Variants in PLGRKT observed in about 807,000 individuals in gnomAD.
PLGRKT encodes plasminogen receptor (KT).
Under a neutral mutation model 18.5 loss-of-function variants are expected in PLGRKT, and 22 were observed. The ratio of observed to expected loss-of-function variants is 1.19; its 90% confidence interval spans 0.85 to 1.70. PLGRKT has a LOEUF of 1.70. PLGRKT is among the 40% of genes most tolerant of loss of function. The pLI is 0.00. For missense variants in PLGRKT, 235 were observed against 174.4 expected (o/e 1.35, Z -1.96); for synonymous variants, 72 against 52.8 (o/e 1.36, Z -1.58).
chr9:5,415,121 A>G (rs894082392), intron 3 of PLGRKT, among the ~76,000 whole-genome samples: 1 of 152,192 alleles, frequency 6.6e-6, no homozygotes, highest in Admixed American at 6.5e-5. Flanking sequence ...GAGCAGGAAC[A>G]ATATAAGATA....
At chr9:5,403,622 A>G (rs1818199375) in intron 3 of PLGRKT, among the ~76,000 whole-genome samples, 1 of 152,268 alleles carries the variant, frequency 6.6e-6, no homozygotes, top group Non-Finnish European at 1.5e-5. Flanking sequence ...GCACAAGAAA[A>G]CAATATCACC....
intron 3 of PLGRKT, among the ~76,000 whole-genome samples, chr9:5,373,822 G>T (rs541293990): frequency 6.6e-6 from 1 of 152,244 alleles, no homozygotes; most frequent in East Asian, 1.9e-4. Context: ...TATGCTTAAG[G>T]TGGGGACAGA....
chr9:5,423,909 T>C (rs985677783), intron 3 of PLGRKT, among the ~76,000 whole-genome samples: 2 of 124,052 alleles, frequency 1.6e-5, no homozygotes, highest in Non-Finnish European at 3.3e-5. Context: ...TTACATATAT[T>C]AGATATTATA....
chr9:5,364,105 T>A (rs1980667), intron 3 of PLGRKT, among the ~76,000 whole-genome samples: 115,555 of 152,136 alleles, frequency 0.76, 44,704 homozygotes, highest in African/African-American at 0.91. Flanking sequence ...TTGCTGCACA[T>A]CATGAGCATC....
chr9:5,365,382 A>G (rs1177931958), intron 3 of PLGRKT, among the ~76,000 whole-genome samples: 1 of 152,276 alleles, frequency 6.6e-6, no homozygotes, highest in Non-Finnish European at 1.5e-5. Context: ...ATAAATATCC[A>G]TAAGCCTATA....
chr9:5,399,642 T>C (rs1370669209), intron 3 of PLGRKT, among the ~76,000 whole-genome samples: 2 of 151,862 alleles, frequency 1.3e-5, no homozygotes, highest in East Asian at 3.8e-4. Context: ...AGTATACTAA[T>C]GTCTTTGAAT....
intron 3 of PLGRKT, among the ~76,000 whole-genome samples, chr9:5,405,328 G>A (rs2131134657): frequency 6.6e-6 from 1 of 152,262 alleles, no homozygotes; most frequent in Admixed American, 6.5e-5. Flanking sequence ...GAACAAAGCT[G>A]GAGGAATCAT....
intron 3 of PLGRKT, among the ~76,000 whole-genome samples, chr9:5,417,474 A>G (rs1469369056): frequency 6.6e-6 from 1 of 152,156 alleles, no homozygotes; most frequent in Non-Finnish European, 1.5e-5. Context: ...GGATTTGGCA[A>G]TGGTTTCTCT....
At chr9:5,362,757 G>C (rs550081326) in intron 3 of PLGRKT, among the ~76,000 whole-genome samples, 31 of 152,240 alleles carry the variant, frequency 2.0e-4, no homozygotes, top group African/African-American at 7.2e-4. Flanking sequence ...GAGTAGCTGG[G>C]AGGGGCGAAT....
At chr9:5,421,610 A>T (rs1818576397) in intron 3 of PLGRKT, among the ~76,000 whole-genome samples, 1 of 152,162 alleles carries the variant, frequency 6.6e-6, no homozygotes, top group African/African-American at 2.4e-5. Flanking sequence ...TAATAAGAAA[A>T]CTTTTGCTTT....
At chr9:5,370,864 T>C (rs571160674) in intron 3 of PLGRKT, among the ~76,000 whole-genome samples, 3 of 152,162 alleles carry the variant, frequency 2.0e-5, no homozygotes, top group Admixed American at 6.5e-5. Flanking sequence ...TTGACGGATA[T>C]GTTAAATGTT....
chr9:5,431,110 TTTCCGTGCCTTTTCCAGCCTCTAGGGGC>T (rs1818813287), intron 3 of PLGRKT, among the ~76,000 whole-genome samples: 1 of 152,212 alleles, frequency 6.6e-6, no homozygotes, highest in Admixed American at 6.5e-5. Flanking sequence ...GAATAATCTG[TTTCCGTGCCTTTTCCAGCCTCTAGGGGC>T]TTCCTGAATT....
chr9:5,404,246 AAG>A (rs1471354395), intron 3 of PLGRKT, among the ~76,000 whole-genome samples: 35 of 152,208 alleles, frequency 2.3e-4, no homozygotes, highest in Non-Finnish European at 1.6e-4. Context: ...AACAATTGAA[AAG>A]GAGGGACCCC....
intron 3 of PLGRKT, among the ~76,000 whole-genome samples, chr9:5,410,045 TAATAA>T (rs1239825821): frequency 3.3e-5 from 5 of 152,170 alleles, no homozygotes; most frequent in African/African-American, 1.2e-4. Context: ...GCTTTTAAAA[TAATAA>T]AATAATATTT....
At chr9:5,413,185 C>A (rs1818397591) in intron 3 of PLGRKT, among the ~76,000 whole-genome samples, 1 of 152,112 alleles carries the variant, frequency 6.6e-6, no homozygotes, top group African/African-American at 2.4e-5. Context: ...GCCTTTAACT[C>A]AGCAATCTCA....
chr9:5,382,850 T>C (rs556707622), intron 3 of PLGRKT, among the ~76,000 whole-genome samples: 20 of 152,104 alleles, frequency 1.3e-4, no homozygotes, highest in South Asian at 2.1e-4. Context: ...CCAAAGGACA[T>C]AGAATCAGTA....
chr9:5,394,466 G>A (rs1006564768), intron 3 of PLGRKT, among the ~76,000 whole-genome samples: 35 of 152,028 alleles, frequency 2.3e-4, no homozygotes, highest in Non-Finnish European at 1.0e-4. Flanking sequence ...AGGCTGGAGT[G>A]CAATGGCGCA....
At chr9:5,426,513 A>G (rs1379599370) in intron 3 of PLGRKT, among the ~76,000 whole-genome samples, 1 of 152,224 alleles carries the variant, frequency 6.6e-6, no homozygotes, top group East Asian at 1.9e-4. Flanking sequence ...CTCTAGAGTT[A>G]GAACACTGGT....
intron 3 of PLGRKT, among the ~76,000 whole-genome samples, chr9:5,421,245 C>T (rs574193224): frequency 6.6e-6 from 1 of 152,214 alleles, no homozygotes; most frequent in African/African-American, 2.4e-5. Context: ...CATTCACTTT[C>T]CTTTTGCCTG....
Sources: allele counts gnomAD v4.1 joint callset (sites outside exome capture counted in the v4.1 genomes callset), GRCh38; gene constraint gnomAD v4.1.1; transcripts MANE v1.5; gene names NCBI Gene and HGNC (gene_info 2026-07-23, HGNC 2026-07-21).